C5orf22: variants seen among roughly 807,000 people sequenced by gnomAD.
The protein encoded by C5orf22 is chromosome 5 open reading frame 22, also known as UPF0489 protein C5orf22.
In C5orf22, 36 loss-of-function variants were observed where a neutral mutation model predicts 48.7. The observed-to-expected ratio is 0.74, with a 90% CI of 0.57 to 0.98. C5orf22 has a LOEUF of 0.98. C5orf22 is among the 50% of genes least tolerant of loss of function. C5orf22 has a pLI of 0.00. For missense variants in C5orf22, 486 were observed against 521.9 expected, an observed-to-expected ratio of 0.93 and a Z score of 0.67; for synonymous variants, 141 against 180.8, an observed-to-expected ratio of 0.78 and a Z score of 1.76.
At chr5:31,539,363 A>T (rs1742310291) in intron 4 of C5orf22, among the ~76,000 whole-genome samples, 1 of 152,180 alleles carries the variant, frequency 6.6e-6, no homozygotes, top group South Asian at 2.1e-4. Context: ...ACATTGAAAA[A>T]CAGCACTCTC....
chr5:31,540,003 A>G (rs1742352753), intron 4 of C5orf22, among the ~76,000 whole-genome samples: 1 of 152,130 alleles, frequency 6.6e-6, no homozygotes, highest in Admixed American at 6.5e-5. Flanking sequence ...GTGAGTCGTG[A>G]TCGCACCCCT....
chr5:31,535,980 A>C (rs1742051133), intron 3 of C5orf22, 87 bp downstream of exon 3: 2 of 1,326,194 alleles, frequency 1.5e-6, no homozygotes, highest in South Asian at 2.6e-5. Context: ...AAGTCTCTGC[A>C]CACAAATAGG....
At position 31,534,852 on chromosome 5, in the gene C5orf22, T is replaced by A. The variant is rs1484050876; in HGVS notation, c.227+435T>A. The stretch of plus-strand genomic sequence containing the variant: ...TGTGGATAGCTGCTGCACTCCAGAC[T>A]GGGCAACATAACCAGACCCCATCTC... On this transcript the variant is annotated intron_variant, in intron 2 of 8. Transcript: ENST00000325366. 11 of 346,262 alleles carry A rather than the reference T, an allele frequency of 3.2e-5. No homozygotes were observed. The Admixed American group carries it at 3.8e-4, about 12-fold the overall frequency. The allele number at this position is 346,262 out of a possible 1,614,324, so 21.4% of individuals were successfully genotyped here. A position where few individuals can be genotyped will look rare whatever the true frequency, so the allele number is the denominator to read the frequency against.
chr5:31,546,835 G>C (rs1742912088), intron 7 of C5orf22, among the ~76,000 whole-genome samples: 1 of 152,154 alleles, frequency 6.6e-6, no homozygotes, highest in Admixed American at 6.5e-5. Context: ...TACAATTCAA[G>C]ATGAGATTTG....
At chr5:31,544,379 C>T (rs563544256) in intron 6 of C5orf22, among the ~76,000 whole-genome samples, 10 of 152,164 alleles carry the variant, frequency 6.6e-5, no homozygotes, top group African/African-American at 1.4e-4. Context: ...GTCAGGAGAT[C>T]GAAACCATCC....
chr5:31,551,381 T>C lies in C5orf22; in HGVS notation c.1148T>C (p.Val383Ala), dbSNP rs1345008590. 6.2e-7 allele frequency: 1 copy of C among 1,613,500 alleles called. No homozygotes were observed. Among genetic ancestry groups the C allele is most frequent in the African/African-American group, 1.3e-5 (1 of 75,052 alleles). ...GAAATAGAGTGTCTTATTCAATCTG[T>C]GCATTATTTGCTGAAAAATTTACCA... ...EQEIECLIQS[V>A]HYLLKNLPNP... The change falls in exon 8 of 9, where the codon GTG (valine) becomes GCG (alanine). Residue 383 changes from valine (V) to alanine (A), a missense_variant. Physicochemically the swap from Val to Ala is moderately conservative, Grantham distance 64. This residue lies in a region of C5orf22 where 408 missense variants were observed against 444.0 expected (regional missense o/e 0.92). Coordinates refer to ENST00000325366, the MANE Select transcript of C5orf22 (RefSeq NM_018356.3).
Position 31,538,455 on chromosome 5 carries a change from C to G in C5orf22, c.573C>G (p.Ala191=), listed in dbSNP as rs756551521. The change falls in exon 4 of 9, where the codon GCC becomes GCG. Residue 191 remains alanine (A), a synonymous_variant. Transcript: ENST00000325366. ...KLALEDSENT[A]STNCDSSSEG... ...CCCTGGAAGATTCGGAAAACACTGCCTCTACTAACTGTGACTCTTCTTCAG... is the reference window on the plus strand; with the variant it reads ...CCCTGGAAGATTCGGAAAACACTGCGTCTACTAACTGTGACTCTTCTTCAG... 6.2e-7 allele frequency: 1 copy of G among 1,614,110 alleles called. No individual in the cohort carries two copies. Among genetic ancestry groups the G allele is most frequent in the Non-Finnish European group, 8.5e-7 (1 of 1,180,004 alleles).
chr5:31,533,892 C>A (rs1021709905), intron 1 of C5orf22, among the ~76,000 whole-genome samples: 2 of 151,978 alleles, frequency 1.3e-5, no homozygotes, highest in Non-Finnish European at 2.9e-5. Flanking sequence ...ACTGACAAGC[C>A]CCTATCCCTT....
chr5:31,548,174 C>T (rs947648989), intron 7 of C5orf22, among the ~76,000 whole-genome samples: 7 of 152,134 alleles, frequency 4.6e-5, no homozygotes, highest in African/African-American at 1.7e-4. Flanking sequence ...TGGCAGTGCA[C>T]ACCTGTAATC....
rs550972711 is a variant in C5orf22, at chr5:31,546,396, A to G, written c.1059+684A>G. Among the ~76,000 whole-genome samples, 31 of 152,334 alleles carry G rather than the reference A, an allele frequency of 2.0e-4. 1 individual carries two copies. The South Asian group carries it at 5.8e-3, about 28-fold the overall frequency. Reference sequence around the variant, plus strand: ...GTGTGGTCTTTCTCTTACTTCAGTAAGCTGGGTTTGCATATTTTATTTACT... The same window carrying G: ...GTGTGGTCTTTCTCTTACTTCAGTAGGCTGGGTTTGCATATTTTATTTACT... On this transcript the variant is annotated intron_variant, in intron 7 of 8. Transcript: ENST00000325366.
chr5:31,540,707 G>A (rs890198131), intron 4 of C5orf22: 2 of 419,386 alleles, frequency 4.8e-6, no homozygotes, highest in Non-Finnish European at 8.6e-6. Flanking sequence ...ATGCCCAGCT[G>A]GATAGAGTTG....
At chr5:31,539,375 T>G (rs1169133184) in intron 4 of C5orf22, among the ~76,000 whole-genome samples, 2 of 152,230 alleles carry the variant, frequency 1.3e-5, no homozygotes, top group African/African-American at 4.8e-5. Flanking sequence ...AGCACTCTCT[T>G]ATCCCCATTC....
Position 31,535,824 on chromosome 5 carries a change from G to A in C5orf22, c.308G>A (p.Trp103Ter). The A allele has an allele frequency of 6.2e-7, 1 of 1,613,432 alleles. No individual in the cohort carries two copies. The highest frequency in any genetic ancestry group is 8.5e-7 in the Non-Finnish European group (1 of 1,179,604). Residue 103 changes from tryptophan to a stop codon, truncating the protein, a stop_gained, in exon 3 of 9, where the codon TGG becomes TAG. Coordinates refer to ENST00000325366, the MANE Select transcript of C5orf22 (RefSeq NM_018356.3). LOFTEE classifies it high-confidence loss of function. Reference protein sequence around the residue: ...FSHVIWFHPTWAQQIREGRHH... With the variant: ...FSHVIWFHPT ...CATGTAATATGGTTTCATCCCACAT[G>A]GGCTCAGCAGATCAGAGAGGGCAGA...
Position 31,544,996 on chromosome 5 carries a change from T to G in C5orf22, c.993-650T>G, listed in dbSNP as rs1054331738. Reference sequence around the variant, plus strand: ...TTAATTTTTTTTTTTTTTTTTTAGCTTTCAGGAAACAGCCTTTTTTCATCA... The same window carrying G: ...TTAATTTTTTTTTTTTTTTTTTAGCGTTCAGGAAACAGCCTTTTTTCATCA... On this transcript the variant is annotated intron_variant, in intron 6 of 8. Coordinates refer to ENST00000325366, the MANE Select transcript of C5orf22 (RefSeq NM_018356.3). Among the ~76,000 whole-genome samples, 18 of 151,668 alleles carry G rather than the reference T, an allele frequency of 1.2e-4. No homozygotes were observed. The East Asian group carries it at 3.5e-3, about 29-fold the overall frequency.
chr5:31,535,718 A>C lies in C5orf22; in HGVS notation c.228-26A>C, dbSNP rs764325242. The C allele has an allele frequency of 2.6e-6, 4 of 1,537,430 alleles. No individual in the cohort carries two copies. In the Admixed American group the frequency reaches 8.6e-5, roughly 33 times the overall value. On this transcript the variant is annotated intron_variant, in intron 2 of 8. Coordinates refer to ENST00000325366, the MANE Select transcript of C5orf22 (RefSeq NM_018356.3). ...GGAAAAAATAAAAATAAAAGTTTTA[A>C]TGTTGTCTCTATGTTTCTTTTCCAG...
chr5:31,543,716 A>T (rs1742614337), intron 6 of C5orf22, among the ~76,000 whole-genome samples: 1 of 152,216 alleles, frequency 6.6e-6, no homozygotes, highest in Non-Finnish European at 1.5e-5. Context: ...ACTGAAAAAT[A>T]CCTATTATTT....
At chr5:31,534,183 C>T (rs7737168) in intron 1 of C5orf22, 89 bp from the exon 2 acceptor site, 14,816 of 1,103,410 alleles carry the variant, frequency 0.013, 145 homozygotes, top group Non-Finnish European at 0.016. Flanking sequence ...CAATTATGTG[C>T]ATTATTTAGC....
chr5:31,544,805 G>A (rs1014189336), intron 6 of C5orf22, among the ~76,000 whole-genome samples: 3 of 151,846 alleles, frequency 2.0e-5, no homozygotes, highest in Non-Finnish European at 4.4e-5. Context: ...GTGTGGTGGT[G>A]TTCACTTATA....
At chr5:31,550,679 CCT>C (rs1273281558) in intron 7 of C5orf22, among the ~76,000 whole-genome samples, 2 of 152,028 alleles carry the variant, frequency 1.3e-5, no homozygotes, top group African/African-American at 4.8e-5. Flanking sequence ...GATTCTCCTG[CCT>C]TAGCAGGAGA....
Sources: allele counts gnomAD v4.1 joint callset (sites outside exome capture counted in the v4.1 genomes callset), GRCh38; gene constraint gnomAD v4.1.1; regional missense constraint gnomAD v4.1.1; transcripts MANE v1.5; gene names NCBI Gene and HGNC (gene_info 2026-07-23, HGNC 2026-07-21).